HDAC9: variants seen among roughly 807,000 people sequenced by gnomAD.
HDAC9 encodes histone deacetylase 9.
HDAC9 carries 41 observed loss-of-function variants against 139.4 expected under a neutral mutation model. That is an observed-to-expected ratio of 0.29 (90% CI 0.23 to 0.38). HDAC9 has a LOEUF of 0.38. Among genes scored for constraint, HDAC9 ranks in the 10% least tolerant of loss-of-function variants. The pLI is 1.00. For missense variants in HDAC9, 1,147 were observed against 1,297.0 expected, an observed-to-expected ratio of 0.88 and a Z score of 1.78; for synonymous variants, 517 against 476.2, an observed-to-expected ratio of 1.09 and a Z score of -1.12.
At chr7:18,148,883 T>G (rs1584330593) in intron 1 of HDAC9, among the ~76,000 whole-genome samples, 1 of 152,190 alleles carries the variant, frequency 6.6e-6, no homozygotes, top group East Asian at 1.9e-4. Context: ...TTAATTCCCC[T>G]TGGCATATGA....
intron 2 of HDAC9, among the ~76,000 whole-genome samples, chr7:18,549,002 G>T (rs1031771389): frequency 6.6e-6 from 1 of 152,172 alleles, no homozygotes; most frequent in African/African-American, 2.4e-5. Context: ...CACTTTGGGA[G>T]GCCAAGGCGG....
At chr7:18,537,677 T>C (rs931290711) in intron 2 of HDAC9, among the ~76,000 whole-genome samples, 6 of 152,210 alleles carry the variant, frequency 3.9e-5, no homozygotes, top group Non-Finnish European at 7.4e-5. Context: ...GAAATTCCCT[T>C]ACATACAGAG....
chr7:18,585,485 C>T lies in HDAC9; in HGVS notation c.227C>T (p.Thr76Ile). Reference protein sequence around the residue: ...AEFQKQHENLTRQHQAQLQEH... With the variant: ...AEFQKQHENLIRQHQAQLQEH... ...TTTCAGAAACAGCATGAGAACTTGACACGGCAGCACCAGGCTCAGCTTCAG... is the reference window on the plus strand; with the variant it reads ...TTTCAGAAACAGCATGAGAACTTGATACGGCAGCACCAGGCTCAGCTTCAG... The change falls in exon 3 of 26, where the codon ACA becomes ATA. Residue 76 changes from threonine (T) to isoleucine (I), a missense_variant. Around this residue, in one of 7 missense-constraint regions of HDAC9, gnomAD observed 136 missense variants for 183.5 expected, o/e 0.74. Transcript: ENST00000686413. 1.2e-6 allele frequency: 2 copies of T among 1,613,830 alleles called. No homozygotes were observed. The highest frequency in any genetic ancestry group is 1.7e-6 in the Non-Finnish European group (2 of 1,179,816).
At chr7:18,751,216 C>A (rs1381825872) in intron 14 of HDAC9, among the ~76,000 whole-genome samples, 2 of 152,110 alleles carry the variant, frequency 1.3e-5, no homozygotes, top group Non-Finnish European at 2.9e-5. Context: ...GACGTAATAT[C>A]AAACACAAGT....
intron 1 of HDAC9, among the ~76,000 whole-genome samples, chr7:18,304,215 A>G (rs1465175860): frequency 5.9e-5 from 9 of 152,196 alleles, no homozygotes; most frequent in African/African-American, 2.2e-4. Context: ...CCTTCTATAC[A>G]CTGTCATTTA....
chr7:18,840,895 G>A (rs1478184784), intron 21 of HDAC9, among the ~76,000 whole-genome samples: 3 of 151,994 alleles, frequency 2.0e-5, no homozygotes. Context: ...TGGCTTCCGG[G>A]GATTCCTCCC....
Position 19,001,213 on chromosome 7 carries a change from A to C in HDAC9, c.*5151A>C, listed in dbSNP as rs1786732100. The C allele has an allele frequency of 6.6e-6, 1 of 152,178 alleles. No homozygotes were observed. The allele number at this position is 152,178 out of a possible 1,614,324, so 9.4% of individuals were successfully genotyped here. ...GTCCTTTGGGAGATGTCTTTGAGTC[A>C]AACCCACAAGCATGAACTCTCACCT... is the stretch of plus-strand genomic sequence containing the variant. On this transcript the variant is annotated 3_prime_UTR_variant, in exon 26 of 26. Coordinates refer to ENST00000686413, the MANE Select transcript of HDAC9 (RefSeq NM_178425.4).
In HDAC9 at chr7:18,800,960, AG is replaced by A. The variant is rs537948297; in HGVS notation, c.2322+7512del. Among the ~76,000 whole-genome samples, 116 of 152,256 alleles carry A rather than the reference AG, an allele frequency of 7.6e-4. 2 individuals carry two copies. The Middle Eastern group carries it at 0.01, about 13-fold the overall frequency. ...TTACATTCTCTGTTCTGATGTACAA[AG>A]GGGCTGTTTATTTTTTGCTAATTGT... On this transcript the variant is annotated intron_variant, in intron 17 of 25. Transcript: ENST00000686413.
chr7:18,198,997 T>C (rs1234506917), intron 2 of HDAC9, among the ~76,000 whole-genome samples: 1 of 152,184 alleles, frequency 6.6e-6, no homozygotes, highest in Non-Finnish European at 1.5e-5. Context: ...TCTTTGTCAT[T>C]TATCACCTAT....
chr7:18,887,181 A>G (rs916585538), intron 22 of HDAC9, among the ~76,000 whole-genome samples: 1 of 152,154 alleles, frequency 6.6e-6, no homozygotes, highest in Non-Finnish European at 1.5e-5. Context: ...ATGGACTACT[A>G]CAGAGGTTTC....
chr7:18,270,663 G>T (rs1042624848), intron 2 of HDAC9, among the ~76,000 whole-genome samples: 3 of 151,956 alleles, frequency 2.0e-5, no homozygotes, highest in Non-Finnish European at 4.4e-5. Context: ...TTATTTCTTG[G>T]TGAAAAAAGA....
intron 1 of HDAC9, among the ~76,000 whole-genome samples, chr7:18,352,669 G>T (rs1585316753): frequency 1.3e-5 from 2 of 151,930 alleles, no homozygotes; most frequent in African/African-American, 2.4e-5. Flanking sequence ...CGTTATGATG[G>T]TTAGCATGCT....
At chr7:18,687,872 G>T (rs570074374) in intron 12 of HDAC9, among the ~76,000 whole-genome samples, 1 of 151,804 alleles carries the variant, frequency 6.6e-6, no homozygotes, top group Non-Finnish European at 1.5e-5. Flanking sequence ...AATAAAGATT[G>T]TTTTAGTCTT....
At chr7:18,673,527 A>G (rs913368234) in intron 12 of HDAC9, among the ~76,000 whole-genome samples, 1 of 152,092 alleles carries the variant, frequency 6.6e-6, no homozygotes, top group Non-Finnish European at 1.5e-5. Context: ...TGTTGAAATA[A>G]TATTTTAAAT....
At chr7:18,400,963 A>C (rs1288859851) in intron 1 of HDAC9, among the ~76,000 whole-genome samples, 3 of 152,190 alleles carry the variant, frequency 2.0e-5, no homozygotes, top group Non-Finnish European at 2.9e-5. Context: ...AATTTGCATA[A>C]GCTAGTCTCA....
intron 2 of HDAC9, among the ~76,000 whole-genome samples, chr7:18,173,014 T>G (rs138427678): frequency 0.013 from 1,978 of 152,288 alleles, 41 homozygotes; most frequent in African/African-American, 0.045. Context: ...CTTGTTAACT[T>G]TCTGTCTCGT....
Position 18,328,790 on chromosome 7 carries a change from G to A in HDAC9, c.-42+38275G>A, listed in dbSNP as rs570535927. On this transcript the variant is annotated intron_variant, in intron 1 of 3. Coordinates refer to the HDAC9 transcript ENST00000413509. Reference sequence around the variant, plus strand: ...TATTATTCTTGTAGTGTCCTTGTCCGGCTCTGGTATCATGGTAATGATGGC... The same window carrying A: ...TATTATTCTTGTAGTGTCCTTGTCCAGCTCTGGTATCATGGTAATGATGGC... Among the ~76,000 whole-genome samples the A allele has an allele frequency of 2.6e-5, 4 of 151,896 alleles. 1 individual carries two copies. In the South Asian group the frequency reaches 8.3e-4, roughly 32 times the overall value.
intron 1 of HDAC9, among the ~76,000 whole-genome samples, chr7:18,413,297 A>G (rs1483377446): frequency 6.6e-6 from 1 of 152,204 alleles, no homozygotes; most frequent in Non-Finnish European, 1.5e-5. Flanking sequence ...TAAGTATAAT[A>G]TACCACTGGT....
In HDAC9 at chr7:18,732,669, A is replaced by ATGTGTGCGTATGTGTACACACACACG. The variant is rs1562891987; in HGVS notation, c.1909+4913_1909+4914insGTGTGCGTATGTGTACACACACACGT. On this transcript the variant is annotated intron_variant, in intron 13 of 25. Transcript: ENST00000686413. ...TGTGTATATATACACACACACGTGT[A>ATGTGTGCGTATGTGTACACACACACG]TATGTGTGCGTATGTGTACACACAC... Among the ~76,000 whole-genome samples the ATGTGTGCGTATGTGTACACACACACG allele has an allele frequency of 2.1e-4, 26 of 123,620 alleles. 5 individuals are homozygous for ATGTGTGCGTATGTGTACACACACACG. Among genetic ancestry groups the ATGTGTGCGTATGTGTACACACACACG allele is most frequent in the African/African-American group, 9.1e-4 (26 of 28,542 alleles). The allele number at this position is 123,620 out of a possible 152,430, so 81.1% of individuals were successfully genotyped here. A position where few individuals can be genotyped will look rare whatever the true frequency, so the allele number is the denominator to read the frequency against.
Sources: gnomAD v4.1 joint callset for allele counts (sites outside exome capture counted in the v4.1 genomes callset) on GRCh38, gnomAD v4.1.1 for gene constraint, gnomAD v4.1.1 regional missense constraint, MANE v1.5 for transcripts, NCBI Gene and HGNC (gene_info 2026-07-23, HGNC 2026-07-21) for gene names.